Variants in LGSN observed in about 807,000 individuals in gnomAD.
LGSN encodes the protein lengsin.
In LGSN, 21 loss-of-function variants were observed where a neutral mutation model predicts 19.5. The observed-to-expected ratio is 1.07, with a 90% CI of 0.76 to 1.55. The LOEUF (loss-of-function observed/expected upper bound fraction) is 1.55. Among genes scored for constraint, LGSN ranks in the 40% most tolerant of loss-of-function variants. The probability of loss-of-function intolerance (pLI) is 0.00; values close to 1 mark genes in which losing one functional copy is unlikely to be tolerated. For synonymous variants in LGSN, 257 were observed against 215.6 expected (o/e 1.19, Z -1.68); for missense variants, 673 against 608.5 (o/e 1.11, Z -1.12).
the LGSN span, among the ~76,000 whole-genome samples, chr6:63,487,879 G>C: frequency 6.6e-6 from 1 of 151,958 alleles, no homozygotes; most frequent in Non-Finnish European, 1.5e-5. Context: ...TACTTGGGAG[G>C]CTGAGCAGGA....
chr6:63,320,276 T>C (rs1335812379), upstream of LGSN, among the ~76,000 whole-genome samples: 1 of 152,222 alleles, frequency 6.6e-6, no homozygotes, highest in African/African-American at 2.4e-5. Flanking sequence ...AATTGTATTC[T>C]GGAATGATAT....
intron 1 of LGSN, among the ~76,000 whole-genome samples, chr6:63,314,335 G>C (rs933122881): frequency 6.6e-6 from 1 of 152,130 alleles, no homozygotes; most frequent in Non-Finnish European, 1.5e-5. Flanking sequence ...CAGAAAGTGA[G>C]GCCTCACTAC....
At chr6:63,572,477 G>A in the LGSN span, 1 of 388,472 alleles carries the variant, frequency 2.6e-6, no homozygotes, top group East Asian at 3.7e-5. Context: ...GTGACGCAAG[G>A]GCGCCTCGGC....
chr6:63,519,649 T>C, the LGSN span, among the ~76,000 whole-genome samples: 1 of 152,196 alleles, frequency 6.6e-6, no homozygotes, highest in Non-Finnish European at 1.5e-5. Flanking sequence ...TCAATTGAAT[T>C]AAAAAGTAGG....
chr6:63,510,452 CTTT>C, the LGSN span, among the ~76,000 whole-genome samples: 1 of 124,274 alleles, frequency 8.0e-6, no homozygotes, highest in African/African-American at 3.0e-5. Context: ...GACTACCTTT[CTTT>C]TTTTTTTTTT....
the LGSN span, among the ~76,000 whole-genome samples, chr6:63,353,477 TA>T: frequency 6.7e-6 from 1 of 149,994 alleles, no homozygotes; most frequent in Non-Finnish European, 1.5e-5. Flanking sequence ...TAGGGAACCA[TA>T]ACAGAACGTA....
chr6:63,495,469 T>TTTTTTTTTTTTTTTTTG, the LGSN span, among the ~76,000 whole-genome samples: 400 of 119,268 alleles, frequency 3.4e-3, 2 homozygotes, highest in Non-Finnish European at 3.9e-3. Context: ...TTTTTTTTTT[T>TTTTTTTTTTTTTTTTTG]TTTTTTTGAG....
chr6:63,329,693 T>G, the LGSN span, among the ~76,000 whole-genome samples: 1 of 152,192 alleles, frequency 6.6e-6, no homozygotes. Context: ...AGGGTTGATT[T>G]CCTCCTCAAG....
the LGSN span, among the ~76,000 whole-genome samples, chr6:63,423,811 G>A: frequency 6.6e-6 from 1 of 152,166 alleles, no homozygotes; most frequent in African/African-American, 2.4e-5. Context: ...GCCGAGTCAG[G>A]CAGATCATTT....
chr6:63,337,044 C>T, the LGSN span, among the ~76,000 whole-genome samples: 174 of 151,994 alleles, frequency 1.1e-3, 6 homozygotes, highest in East Asian at 0.031. Flanking sequence ...CTGCCTCAGC[C>T]TCCCGAGTAG....
In LGSN at chr6:63,280,106, C is replaced by G; in HGVS notation, c.1445G>C (p.Arg482Pro). Reference protein sequence around the residue: ...LRQALGETFIRYFVAMKKYEL... With the variant: ...LRQALGETFIPYFVAMKKYEL... ...ATATTTCTTCATGGCAACAAAATAT[C>G]GAATAAAGGTTTCTCCTAGAGCCTG... The change falls in exon 4 of 4, where the codon CGA (arginine) becomes CCA (proline). Residue 482 changes from arginine (R) to proline (P), a missense_variant. Arg to Pro is a moderately radical substitution (Grantham distance 103). Transcript: ENST00000370657. 6.2e-7 allele frequency: 1 copy of G among 1,613,898 alleles called. No homozygotes were observed. Among genetic ancestry groups the G allele is most frequent in the Non-Finnish European group, 8.5e-7 (1 of 1,179,928 alleles).
At chr6:63,548,113 A>C in the LGSN span, among the ~76,000 whole-genome samples, 2 of 152,292 alleles carry the variant, frequency 1.3e-5, no homozygotes, top group East Asian at 3.9e-4. Context: ...TAACCTCTTC[A>C]TGAAAGCCTT....
chr6:63,372,484 G>A, the LGSN span, among the ~76,000 whole-genome samples: 29 of 152,238 alleles, frequency 1.9e-4, no homozygotes, highest in Admixed American at 6.5e-5. Context: ...TGGAGGAGTG[G>A]GTGGTAAGAG....
At chr6:63,387,466 C>T in the LGSN span, among the ~76,000 whole-genome samples, 109 of 152,156 alleles carry the variant, frequency 7.2e-4, no homozygotes, top group African/African-American at 2.4e-3. Context: ...GAAGCATATG[C>T]ATAGGTTACA....
At chr6:63,408,031 G>T in the LGSN span, among the ~76,000 whole-genome samples, 2 of 152,078 alleles carry the variant, frequency 1.3e-5, no homozygotes, top group Non-Finnish European at 2.9e-5. Context: ...AATAAAAGAG[G>T]ATACAAGGAA....
the LGSN span, among the ~76,000 whole-genome samples, chr6:63,520,371 A>T: frequency 1.3e-5 from 2 of 152,334 alleles, no homozygotes; most frequent in Non-Finnish European, 2.9e-5. Context: ...TCATGCCTGT[A>T]ATCCCAGCAC....
chr6:63,480,940 G>GATAT, the LGSN span, among the ~76,000 whole-genome samples: 90 of 59,774 alleles, frequency 1.5e-3, no homozygotes, highest in South Asian at 3.6e-3. Context: ...TAAAGAAAAT[G>GATAT]ATATATATAT....
At chr6:63,441,552 G>C in the LGSN span, 1 of 427,250 alleles carries the variant, frequency 2.3e-6, no homozygotes, top group South Asian at 2.0e-5. Flanking sequence ...AGAGGCAGCA[G>C]GGTTGGAAGT....
At chr6:63,501,868 G>A in the LGSN span, among the ~76,000 whole-genome samples, 1 of 152,080 alleles carries the variant, frequency 6.6e-6, no homozygotes, top group South Asian at 2.1e-4. Context: ...ACGATCACAG[G>A]TAACTGCATC....
Sources: allele counts gnomAD v4.1 joint callset (sites outside exome capture counted in the v4.1 genomes callset), GRCh38; gene constraint gnomAD v4.1.1; transcripts MANE v1.5; gene names NCBI Gene and HGNC (gene_info 2026-07-23, HGNC 2026-07-21).